Variants in LYN observed in about 807,000 individuals in gnomAD.
LYN encodes the protein tyrosine-protein kinase Lyn.
LYN carries 12 observed loss-of-function variants against 65.0 expected under a neutral mutation model. The ratio of observed to expected loss-of-function variants is 0.18; its 90% CI spans 0.12 to 0.30. The LOEUF (loss-of-function observed/expected upper bound fraction) is 0.30. Ranked by LOEUF, LYN falls within the 10% of genes least tolerant of loss-of-function variation. The probability of loss-of-function intolerance (pLI) is 1.00; values close to 1 mark genes in which losing one functional copy is unlikely to be tolerated. For missense variants in LYN, 380 were observed against 623.2 expected (o/e 0.61, Z 4.16); for synonymous variants, 222 against 221.2 (o/e 1.00, Z -0.03).
intron 1 of LYN, among the ~76,000 whole-genome samples, chr8:55,929,638 A>G (rs1266228407): frequency 1.3e-5 from 2 of 152,184 alleles, no homozygotes; most frequent in Non-Finnish European, 2.9e-5. Flanking sequence ...GTTTGAAGAC[A>G]TTTTTGGTTG....
intron 10 of LYN, among the ~76,000 whole-genome samples, chr8:55,997,532 T>A (rs969900539): frequency 1.3e-5 from 2 of 152,124 alleles, no homozygotes; most frequent in African/African-American, 4.8e-5. Flanking sequence ...CTGGGGTCTC[T>A]TTTACAAGGG....
chr8:55,997,419 G>A (rs1808401725), intron 10 of LYN, among the ~76,000 whole-genome samples: 1 of 152,198 alleles, frequency 6.6e-6, no homozygotes, highest in Admixed American at 6.5e-5. Context: ...TAGGGGCAAG[G>A]AAAGCCCTGG....
At chr8:55,898,154 C>T (rs942510283) in intron 1 of LYN, among the ~76,000 whole-genome samples, 10 of 151,982 alleles carry the variant, frequency 6.6e-5, no homozygotes, top group Admixed American at 2.0e-4. Context: ...TTTCTTGTGC[C>T]ACCCCCAGCC....
Position 55,989,320 on chromosome 8 carries a change from A to T in LYN, c.1051-9026A>T, listed in dbSNP as rs545975336. On this transcript the variant is annotated intron_variant, in intron 10 of 12. Transcript: ENST00000519728. ...GCTCTGCTTGGATTTGTAAAACATA[A>T]TTGAGATTGTGCTCTCTATCAAACC... 1.4e-3 allele frequency among the ~76,000 whole-genome samples: 215 copies of T among 152,340 alleles called. 1 individual carries two copies. The highest frequency in any genetic ancestry group is 4.9e-3 in the African/African-American group (203 of 41,574).
intron 2 of LYN, among the ~76,000 whole-genome samples, chr8:55,943,575 CAAAA>C (rs71555625): frequency 1.3e-5 from 1 of 77,892 alleles, no homozygotes. Context: ...GACTCTGTCT[CAAAA>C]AAAAAAAAAA....
chr8:55,953,634 T>G (rs1807015954), intron 7 of LYN, among the ~76,000 whole-genome samples, 198 bp from the exon 8 acceptor site: 1 of 151,240 alleles, frequency 6.6e-6, no homozygotes, highest in Non-Finnish European at 1.5e-5. Context: ...GCAATAGGAG[T>G]GAAACTTCAT....
At chr8:55,944,727 C>G (rs1162784028) in intron 2 of LYN, among the ~76,000 whole-genome samples, 1 of 152,170 alleles carries the variant, frequency 6.6e-6, no homozygotes, top group Non-Finnish European at 1.5e-5. Context: ...GTGATTCACC[C>G]ACCTCGGCCT....
intron 1 of LYN, among the ~76,000 whole-genome samples, chr8:55,928,522 AG>A (rs1447031345): frequency 4.6e-5 from 7 of 152,192 alleles, no homozygotes; most frequent in African/African-American, 1.7e-4. Flanking sequence ...TGCCATCTGT[AG>A]CTCTTCTTTG....
intron 10 of LYN, among the ~76,000 whole-genome samples, chr8:55,976,673 G>A (rs942816426): frequency 1.3e-5 from 2 of 152,178 alleles, no homozygotes; most frequent in African/African-American, 4.8e-5. Context: ...AGGATGGAGC[G>A]TAGTAGGGTG....
intron 10 of LYN, among the ~76,000 whole-genome samples, chr8:55,974,729 C>T (rs752325671): frequency 1.3e-5 from 2 of 152,184 alleles, no homozygotes; most frequent in African/African-American, 2.4e-5. Context: ...ATGTGTTAGA[C>T]GCTCATATTC....
At chr8:55,966,557 G>A (rs1189083782) in intron 8 of LYN, among the ~76,000 whole-genome samples, 158 bp from the exon 9 acceptor site, 1 of 151,992 alleles carries the variant, frequency 6.6e-6, no homozygotes, top group African/African-American at 2.4e-5. Context: ...TAGTAGACAT[G>A]GGGTTTCACT....
At chr8:55,911,761 G>A (rs995522156) in intron 1 of LYN, among the ~76,000 whole-genome samples, 1 of 152,174 alleles carries the variant, frequency 6.6e-6, no homozygotes, top group African/African-American at 2.4e-5. Context: ...TCCGTGGAAA[G>A]GGCTTGCTGA....
intron 1 of LYN, among the ~76,000 whole-genome samples, chr8:55,891,895 G>A (rs949982054): frequency 3.9e-5 from 6 of 152,238 alleles, no homozygotes; most frequent in South Asian, 2.1e-4. Flanking sequence ...TTTACTCTTC[G>A]TCATTTAATA....
chr8:55,905,560 C>T (rs981655405), intron 1 of LYN, among the ~76,000 whole-genome samples: 2 of 152,156 alleles, frequency 1.3e-5, no homozygotes, highest in African/African-American at 2.4e-5. Context: ...GCTAGCTACC[C>T]AGCTAGAAAA....
chr8:55,981,845 A>C (rs184829723), intron 10 of LYN, among the ~76,000 whole-genome samples: 36 of 152,334 alleles, frequency 2.4e-4, no homozygotes, highest in African/African-American at 7.9e-4. Flanking sequence ...GGGAAAAACA[A>C]AGTGCAGCTT....
intron 11 of LYN, 135 bp from the exon 12 acceptor site, chr8:55,999,283 A>G (rs1808454972): frequency 1.5e-6 from 1 of 681,154 alleles, no homozygotes; most frequent in Admixed American, 2.7e-5. Context: ...TCGCATCATT[A>G]CATTCCAGCC....
At chr8:55,904,279 A>C (rs1805358912) in intron 1 of LYN, among the ~76,000 whole-genome samples, 1 of 152,206 alleles carries the variant, frequency 6.6e-6, no homozygotes, top group South Asian at 2.1e-4. Flanking sequence ...TTCAGGAGTA[A>C]GTAACTCAAT....
chr8:55,927,325 C>T (rs183585795), intron 1 of LYN, among the ~76,000 whole-genome samples: 30 of 152,208 alleles, frequency 2.0e-4, no homozygotes, highest in Non-Finnish European at 2.2e-4. Context: ...GAGTGTCATA[C>T]GGTTGGAATC....
chr8:55,919,883 G>T (rs1449211161), intron 1 of LYN, among the ~76,000 whole-genome samples: 10 of 146,166 alleles, frequency 6.8e-5, no homozygotes, highest in African/African-American at 2.6e-4. Flanking sequence ...ATAATTCTTT[G>T]TACCTGGGAA....
Sources: allele counts gnomAD v4.1 joint callset (sites outside exome capture counted in the v4.1 genomes callset), GRCh38; gene constraint gnomAD v4.1.1; transcripts MANE v1.5; gene names NCBI Gene and HGNC (gene_info 2026-07-23, HGNC 2026-07-21).